Variants in GIT2 observed in about 807,000 individuals in gnomAD.
GIT2 encodes GIT ArfGAP 2.
GIT2 carries 32 observed loss-of-function variants against 100.3 expected under a neutral mutation model. The ratio of observed to expected loss-of-function variants is 0.32; its 90% CI spans 0.24 to 0.43. GIT2 has a LOEUF of 0.43. Ranked by LOEUF, GIT2 falls within the 20% of genes least tolerant of loss-of-function variation. GIT2 has a pLI of 1.00. For missense variants in GIT2, 737 were observed against 975.1 expected (o/e 0.76, Z 3.25); for synonymous variants, 353 against 364.1 (o/e 0.97, Z 0.35).
At chr12:109,942,409 C>G (rs1451465582) in intron 16 of GIT2, among the ~76,000 whole-genome samples, 1 of 152,138 alleles carries the variant, frequency 6.6e-6, no homozygotes, top group African/African-American at 2.4e-5. Context: ...ATCACTGTAA[C>G]TTCTGCCTCG....
intron 12 of GIT2, among the ~76,000 whole-genome samples, chr12:109,959,578 A>G (rs1373646291): frequency 1.3e-4 from 20 of 152,128 alleles, no homozygotes; most frequent in Admixed American, 1.3e-3. Flanking sequence ...TATACTACCA[A>G]TAAAACTTAC....
intron 8 of GIT2, among the ~76,000 whole-genome samples, chr12:109,966,440 T>C (rs1360835115): frequency 2.4e-5 from 3 of 127,262 alleles, no homozygotes; most frequent in Admixed American, 2.0e-4. Context: ...ACCTGGGAGG[T>C]GGAGGTTGCC....
In GIT2 at chr12:109,939,286, T is replaced by C. The variant is rs183780156; in HGVS notation, c.1732-39A>G. On this transcript the variant is annotated intron_variant, in intron 16 of 19. Coordinates refer to ENST00000355312, the MANE Select transcript of GIT2 (RefSeq NM_057169.5). ...GAGGGACCCTCATGAGTTTGTAACA[T>C]GAGACTCTTCTCAGGAGTCTTCCCC... The C allele has an allele frequency of 5.0e-4, 580 of 1,148,660 alleles. 3 individuals carry two copies. The African/African-American group carries it at 7.2e-3, about 14-fold the overall frequency. The allele number at this position is 1,148,660 out of a possible 1,614,324, so 71.2% of individuals were successfully genotyped here.
chr12:109,936,992 G>A (rs989277688), intron 18 of GIT2, among the ~76,000 whole-genome samples: 7 of 152,172 alleles, frequency 4.6e-5, no homozygotes, highest in Admixed American at 1.3e-4. Context: ...CTTGTAACCC[G>A]TGGGGTCCCA....
In GIT2 at chr12:109,951,272, T is replaced by C. The variant is rs764655152; in HGVS notation, c.1287A>G (p.Glu429=). ...CTAGAGCGTTTTTGACCTCCATAAA[T>C]TCCTGTACAGTGACTGGTCCATCTG... ...DLSDGPVTVQ[E]FMEVKNALVA... The change falls in exon 14 of 20, where the codon GAA becomes GAG. Residue 429 remains glutamate (E), a synonymous_variant. Transcript: ENST00000355312. 1.3e-5 allele frequency: 21 copies of C among 1,611,808 alleles called. No individual in the cohort carries two copies. In the South Asian group the frequency reaches 1.4e-4, roughly 11 times the overall value.
intron 1 of GIT2, 37 bp downstream of exon 1, chr12:109,996,135 GA>G: frequency 7.2e-7 from 1 of 1,385,350 alleles, no homozygotes; most frequent in Non-Finnish European, 9.8e-7. Context: ...TCCGGGCCAG[GA>G]AAGCAGAGGG....
At chr12:109,951,623 T>TATTCATTCTTTCATTA (rs1010746861) in intron 13 of GIT2, among the ~76,000 whole-genome samples, 1 of 152,268 alleles carries the variant, frequency 6.6e-6, no homozygotes, top group Admixed American at 6.5e-5. Flanking sequence ...GTTTTGTTTT[T>TATTCATTCTTTCATTA]ATTCATTCTT....
chr12:109,951,751 A>C (rs1877919681), intron 13 of GIT2, among the ~76,000 whole-genome samples: 1 of 152,226 alleles, frequency 6.6e-6, no homozygotes, highest in Non-Finnish European at 1.5e-5. Context: ...TTCCAACAGC[A>C]TGAGAGAGTA....
intron 13 of GIT2, 35 bp from the exon 14 acceptor site, chr12:109,951,351 G>A: frequency 6.4e-7 from 1 of 1,559,972 alleles, no homozygotes; most frequent in Non-Finnish European, 8.8e-7. Context: ...CACAATCTGA[G>A]ATGACGAGAA....
chr12:109,961,761 C>A, intron 9 of GIT2, 76 bp from the exon 10 acceptor site: 1 of 861,844 alleles, frequency 1.2e-6, no homozygotes, highest in South Asian at 1.3e-5. Context: ...GCGACTTAGT[C>A]ACCCTTTTAT....
intron 1 of GIT2, 51 bp from the exon 2 acceptor site, chr12:109,991,811 C>A (rs755151051): frequency 2.0e-6 from 3 of 1,535,826 alleles, no homozygotes; most frequent in Non-Finnish European, 2.7e-6. Context: ...GGTTGCTATA[C>A]CGCCAGATGG....
chr12:109,933,179 A>G lies in GIT2; in HGVS notation c.2079T>C (p.Ser693=). 6.4e-7 allele frequency: 1 copy of G among 1,553,200 alleles called. No homozygotes were observed. The highest frequency in any genetic ancestry group is 8.7e-7 in the Non-Finnish European group (1 of 1,144,800). The part of the protein sequence containing the change: ...MAALFPKKPK[S]DMVRTSLRLL... ...AACGAAGGGAAGTCCTCACCATATC[A>G]GACTTGGGTTTCTAAAAGGAAAAAG... is the stretch of plus-strand genomic sequence containing the variant. Residue 693 remains serine (S), a synonymous_variant, in exon 20 of 20, where the codon TCT becomes TCC. Transcript: ENST00000355312. This position sits in a 1 kb window ranked among gnomAD's most constrained non-coding sequence, Gnocchi z 4.5.
intron 3 of GIT2, 55 bp downstream of exon 3, chr12:109,989,635 C>A: frequency 1.0e-6 from 1 of 995,402 alleles, no homozygotes; most frequent in South Asian, 1.3e-5. Context: ...GCACTCCTTT[C>A]AGTGGGCCCC....
chr12:109,981,308 G>A (rs1593124023), intron 6 of GIT2: 4 of 344,920 alleles, frequency 1.2e-5, no homozygotes, highest in Middle Eastern at 8.3e-4. Context: ...CTTATGAGAG[G>A]GAAGGATACA....
upstream of GIT2, chr12:109,997,598 A>G (rs906802949): frequency 4.6e-5 from 7 of 152,258 alleles, no homozygotes; most frequent in African/African-American, 7.2e-5. Flanking sequence ...AAAGAAAAAG[A>G]GGAAGAAGAA....
intron 7 of GIT2, among the ~76,000 whole-genome samples, chr12:109,979,872 C>T (rs1021992765): frequency 6.6e-6 from 1 of 152,112 alleles, no homozygotes; most frequent in African/African-American, 2.4e-5. Context: ...AGAATCACTG[C>T]ATACATGTAT....
chr12:109,942,412 C>T (rs1393315742), intron 16 of GIT2, among the ~76,000 whole-genome samples: 1 of 152,156 alleles, frequency 6.6e-6, no homozygotes, highest in Non-Finnish European at 1.5e-5. Flanking sequence ...ACTGTAACTT[C>T]TGCCTCGGCC....
chr12:109,933,792 G>C lies in GIT2; in HGVS notation c.2067+230C>G, dbSNP rs1872225386. 2 of 469,038 alleles carry C rather than the reference G, an allele frequency of 4.3e-6. No homozygotes were observed. The highest frequency in any genetic ancestry group is 8.1e-5 in the East Asian group (2 of 24,578). The allele number at this position is 469,038 out of a possible 1,614,324, so 29.1% of individuals were successfully genotyped here. On this transcript the variant is annotated intron_variant, in intron 19 of 19. Transcript: ENST00000355312. The surrounding 1 kb of genome is among the most constrained non-coding windows in gnomAD (Gnocchi z 4.5). ...AATTTTGTATTTTTAGTAGAGACAG[G>C]GTCTCTCCATGTTGGTCAGGCTGGC...
chr12:109,952,917 T>C, intron 13 of GIT2, 175 bp downstream of exon 13: 1 of 621,764 alleles, frequency 1.6e-6, no homozygotes, highest in Admixed American at 2.9e-5. Flanking sequence ...AAGTCTCAAC[T>C]GCAGCAGGGC....
Sources: allele counts gnomAD v4.1 joint callset (sites outside exome capture counted in the v4.1 genomes callset), GRCh38; gene constraint gnomAD v4.1.1; non-coding constraint Gnocchi (gnomAD v3.1); transcripts MANE v1.5; gene names NCBI Gene and HGNC (gene_info 2026-07-23, HGNC 2026-07-21).